The following EPHA7 variants were observed in gnomAD, a reference collection of about 807,000 sequenced individuals.
EPHA7 encodes ephrin type-A receptor 7.
Under a neutral mutation model 112.6 loss-of-function variants are expected in EPHA7, and 25 were observed. The ratio of observed to expected loss-of-function variants is 0.22; its 90% CI spans 0.16 to 0.31. The LOEUF is 0.31. EPHA7 is among the 10% of genes least tolerant of loss of function. EPHA7 has a pLI of 1.00. For missense variants in EPHA7, 962 were observed against 1,212.6 expected (o/e 0.79, Z 3.07); for synonymous variants, 437 against 406.5 (o/e 1.07, Z -0.90).
At chr6:93,399,000 G>A (rs760881249) in intron 3 of EPHA7, among the ~76,000 whole-genome samples, 4 of 152,080 alleles carry the variant, frequency 2.6e-5, no homozygotes, top group Non-Finnish European at 4.4e-5. Context: ...AGCTTAACAT[G>A]TGTTAATTTT....
intron 5 of EPHA7, among the ~76,000 whole-genome samples, chr6:93,278,714 TTTG>T (rs1032628253): frequency 1.8e-4 from 28 of 152,048 alleles, no homozygotes; most frequent in African/African-American, 2.4e-4. Context: ...GCTGTTTTTT[TTTG>T]TTGTTGTTGT....
In EPHA7 at chr6:93,243,472, A is replaced by G. The variant is rs747218317; in HGVS notation, c.2951T>C (p.Met984Thr). 1.3e-5 allele frequency: 21 copies of G among 1,613,462 alleles called. No homozygotes were observed. Among genetic ancestry groups the G allele is most frequent in the African/African-American group, 1.1e-4 (8 of 74,918 alleles). The change falls in exon 17 of 17, where the codon ATG becomes ACG. Residue 984 changes from methionine (M) to threonine (T), a missense_variant. Around this residue, in one of 3 missense-constraint regions of EPHA7, gnomAD observed 746 missense variants for 889.2 expected, o/e 0.84. Transcript: ENST00000369303. ...ATGTAAATGTAGCATTTGTGCTCTC[A>G]TAGTCTGAATGCTGCTCATGATTTT... ...QKKIMSSIQT[M>T]RAQMLHLHGT...
At chr6:93,417,890 G>A (rs1779321649) in intron 1 of EPHA7, among the ~76,000 whole-genome samples, 1 of 151,994 alleles carries the variant, frequency 6.6e-6, no homozygotes, top group South Asian at 2.1e-4. Context: ...GCTGAAAGAA[G>A]GACTAGAATT....
chr6:93,262,935 C>G (rs1412782987), intron 9 of EPHA7, among the ~76,000 whole-genome samples: 2 of 151,144 alleles, frequency 1.3e-5, no homozygotes, highest in African/African-American at 4.8e-5. Flanking sequence ...ACAGTATCTT[C>G]ACAGATATTG....
chr6:93,417,341 T>G (rs1305855983), intron 1 of EPHA7, among the ~76,000 whole-genome samples: 2 of 152,144 alleles, frequency 1.3e-5, no homozygotes, highest in African/African-American at 4.8e-5. Flanking sequence ...ACGCCAGCTC[T>G]TGGTCGCCGC....
chr6:93,274,077 G>A (rs976697733), intron 5 of EPHA7, among the ~76,000 whole-genome samples: 7 of 152,044 alleles, frequency 4.6e-5, no homozygotes, highest in African/African-American at 1.4e-4. Context: ...AGGAGTTGCT[G>A]GTCTCTGATC....
chr6:93,382,962 C>T (rs1454384775), intron 3 of EPHA7, among the ~76,000 whole-genome samples: 2 of 152,132 alleles, frequency 1.3e-5, no homozygotes, highest in Non-Finnish European at 2.9e-5. Context: ...GTATTTGAAA[C>T]TGCTTCCGTC....
At chr6:93,270,958 T>C (rs1421155778) in intron 6 of EPHA7, among the ~76,000 whole-genome samples, 1 of 151,816 alleles carries the variant, frequency 6.6e-6, no homozygotes, top group Non-Finnish European at 1.5e-5. Context: ...AACATATTTA[T>C]TCTAGAGAAA....
At chr6:93,255,037 A>G (rs771262351) in intron 13 of EPHA7, among the ~76,000 whole-genome samples, 84 of 152,158 alleles carry the variant, frequency 5.5e-4, no homozygotes, top group Non-Finnish European at 9.9e-4. Context: ...TGTTAGGGCA[A>G]GAGTATATTG....
intron 5 of EPHA7, among the ~76,000 whole-genome samples, chr6:93,290,204 TA>T (rs540574747): frequency 9.5e-4 from 144 of 152,168 alleles, no homozygotes; most frequent in African/African-American, 3.4e-3. Context: ...CTATATATAG[TA>T]ATATAAAATA....
Position 93,240,205 on chromosome 6 carries a change from C to T in EPHA7, c.*3221G>A, listed in dbSNP as rs1009636860. 1.3e-5 allele frequency: 3 copies of T among 223,234 alleles called. No homozygotes were observed. Among genetic ancestry groups the T allele is most frequent in the East Asian group, 6.5e-5 (1 of 15,348 alleles). The allele number at this position is 223,234 out of a possible 1,614,324, so 13.8% of individuals were successfully genotyped here. The stretch of plus-strand genomic sequence containing the variant: ...GGCAAGGAGGGACAAATTCAACCAA[C>T]GAAAAGCACATCTCGCCCCGAGTTC... On this transcript the variant is annotated 3_prime_UTR_variant, in exon 17 of 17. Coordinates refer to ENST00000369303, the MANE Select transcript of EPHA7 (RefSeq NM_004440.4).
chr6:93,354,776 A>G (rs936462436), intron 5 of EPHA7, among the ~76,000 whole-genome samples: 2 of 152,096 alleles, frequency 1.3e-5, no homozygotes, highest in African/African-American at 2.4e-5. Context: ...TAGCCTGTAT[A>G]GTATTAACTT....
chr6:93,355,161 G>A (rs907645147), intron 5 of EPHA7, among the ~76,000 whole-genome samples: 2 of 152,066 alleles, frequency 1.3e-5, no homozygotes, highest in African/African-American at 4.8e-5. Flanking sequence ...AGTAAAATAG[G>A]TAAGTCCAGG....
In EPHA7 at chr6:93,358,283, A is replaced by T; in HGVS notation, c.961T>A (p.Ser321Thr). The T allele has an allele frequency of 1.2e-6, 2 of 1,612,698 alleles. No homozygotes were observed. Among genetic ancestry groups the T allele is most frequent in the Non-Finnish European group, 1.7e-6 (2 of 1,179,298 alleles). Residue 321 changes from serine to threonine, a missense_variant, in exon 4 of 17, where the codon TCT (serine) becomes ACT (threonine). By Grantham distance (58) the Ser-to-Thr change is moderately conservative. Coordinates refer to ENST00000369303, the MANE Select transcript of EPHA7 (RefSeq NM_004440.4). ...ECEDGYYRAP[S>T]DPPYVACTRP... ...GTGCACGCAACGTATGGTGGGTCAGATGGAGCCCTGTAATACCCATCTTCA... is the reference window on the plus strand; with the variant it reads ...GTGCACGCAACGTATGGTGGGTCAGTTGGAGCCCTGTAATACCCATCTTCA...
intron 1 of EPHA7, among the ~76,000 whole-genome samples, chr6:93,418,101 C>A (rs1305737788): frequency 6.6e-6 from 1 of 151,780 alleles, no homozygotes; most frequent in African/African-American, 2.4e-5. Context: ...GTAATTATTT[C>A]TCTTCTGCTT....
intron 7 of EPHA7, among the ~76,000 whole-genome samples, chr6:93,266,492 T>C (rs1770945123): frequency 6.6e-6 from 1 of 151,734 alleles, no homozygotes; most frequent in Non-Finnish European, 1.5e-5. Context: ...GTTGACATTA[T>C]GGTTAATATT....
intron 5 of EPHA7, among the ~76,000 whole-genome samples, chr6:93,280,162 C>T (rs1445940994): frequency 6.6e-6 from 1 of 152,092 alleles, no homozygotes; most frequent in Non-Finnish European, 1.5e-5. Flanking sequence ...AAATGCAAAA[C>T]TAAATATCCT....
chr6:93,359,569 A>G (rs1776137238), intron 3 of EPHA7, among the ~76,000 whole-genome samples: 1 of 152,002 alleles, frequency 6.6e-6, no homozygotes, highest in Non-Finnish European at 1.5e-5. Flanking sequence ...CTTGGGTATT[A>G]TGCAAAAAAT....
chr6:93,414,426 GT>G (rs1779123951), intron 2 of EPHA7, among the ~76,000 whole-genome samples: 1 of 151,860 alleles, frequency 6.6e-6, no homozygotes, highest in African/African-American at 2.4e-5. Context: ...CCTGTAATTA[GT>G]TAGCATTTAC....
Sources: gnomAD v4.1 joint callset for allele counts (sites outside exome capture counted in the v4.1 genomes callset) on GRCh38, gnomAD v4.1.1 for gene constraint, gnomAD v4.1.1 regional missense constraint, MANE v1.5 for transcripts, NCBI Gene and HGNC (gene_info 2026-07-23, HGNC 2026-07-21) for gene names.